The following MSRA variants were observed in gnomAD, a reference collection of about 807,000 sequenced individuals.
MSRA encodes mitochondrial peptide methionine sulfoxide reductase.
In MSRA, 54 loss-of-function variants were observed where a neutral mutation model predicts 31.3. The ratio of observed to expected loss-of-function variants is 1.73; its 90% CI spans 1.39 to 2.17. MSRA has a LOEUF of 2.17. MSRA is among the 30% of genes most tolerant of loss of function. The pLI is 0.00. For missense variants in MSRA, 507 were observed against 300.9 expected, an observed-to-expected ratio of 1.69 and a Z score of -5.07; for synonymous variants, 169 against 116.5, an observed-to-expected ratio of 1.45 and a Z score of -2.90.
intron 1 of MSRA, among the ~76,000 whole-genome samples, chr8:10,064,281 C>T (rs1035812491): frequency 6.6e-6 from 1 of 152,160 alleles, no homozygotes; most frequent in South Asian, 2.1e-4. Flanking sequence ...CACCAGAGAC[C>T]TGCGTGTCCT....
chr8:10,077,377 G>T (rs1798043290), intron 1 of MSRA, among the ~76,000 whole-genome samples: 1 of 151,752 alleles, frequency 6.6e-6, no homozygotes, highest in East Asian at 1.9e-4. Flanking sequence ...TCAAAAATGT[G>T]TGTATTCTAA....
chr8:10,274,672 T>A (rs1799224915), intron 3 of MSRA, among the ~76,000 whole-genome samples: 1 of 152,166 alleles, frequency 6.6e-6, no homozygotes, highest in East Asian at 1.9e-4. Context: ...TATCCATCTC[T>A]CTACCCATCC....
intron 1 of MSRA, among the ~76,000 whole-genome samples, chr8:10,147,810 G>A (rs1803283896): frequency 6.6e-6 from 1 of 152,222 alleles, no homozygotes; most frequent in Admixed American, 6.5e-5. Flanking sequence ...CTCGGAGACA[G>A]GTCACCGTTT....
In MSRA at chr8:10,214,610, T is replaced by TC. The variant is rs1442757006; in HGVS notation, c.211+6710dup. ...CTGTGAACTCTGGAGGGGCAGCCAC[T>TC]CATTCCAGGAAAAAGGCCAGAAAGA... On this transcript the variant is annotated intron_variant, in intron 2 of 5. Transcript: ENST00000317173. 2.6e-5 allele frequency among the ~76,000 whole-genome samples: 4 copies of TC among 152,140 alleles called. No individual in the cohort carries two copies. In the East Asian group the frequency reaches 7.7e-4, roughly 29 times the overall value.
chr8:10,148,957 ATTT>A (rs34442171), intron 1 of MSRA, among the ~76,000 whole-genome samples: 56 of 136,382 alleles, frequency 4.1e-4, no homozygotes, highest in East Asian at 6.4e-4. Flanking sequence ...TCGCTGGTAA[ATTT>A]TTTTTTTTTT....
At chr8:10,306,641 A>G (rs1231658503) in intron 4 of MSRA, among the ~76,000 whole-genome samples, 1 of 152,190 alleles carries the variant, frequency 6.6e-6, no homozygotes, top group African/African-American at 2.4e-5. Context: ...CTCACAGAGT[A>G]ATCTAAAGAA....
Position 10,073,307 on chromosome 8 carries a change from C to A in MSRA, c.142+18649C>A, listed in dbSNP as rs376928876. On this transcript the variant is annotated intron_variant, in intron 1 of 5. Transcript: ENST00000317173. ...GTAGTTCCTCTTTATTCCTAACTTCCTCAGTGTTTTTATCAGGAAAAGGGT... is the reference window on the plus strand; with the variant it reads ...GTAGTTCCTCTTTATTCCTAACTTCATCAGTGTTTTTATCAGGAAAAGGGT... 1.5e-3 allele frequency among the ~76,000 whole-genome samples: 230 copies of A among 152,204 alleles called. 1 individual carries two copies. The highest frequency in any genetic ancestry group is 2.7e-3 in the Non-Finnish European group (181 of 68,006).
chr8:10,063,466 G>T (rs553731451), intron 1 of MSRA, among the ~76,000 whole-genome samples: 26 of 152,224 alleles, frequency 1.7e-4, no homozygotes, highest in African/African-American at 6.3e-4. Context: ...CTTCCACCCC[G>T]AGGCTGGCTC....
chr8:10,117,959 C>CA (rs1278237686), intron 1 of MSRA, among the ~76,000 whole-genome samples: 1 of 152,086 alleles, frequency 6.6e-6, no homozygotes, highest in Non-Finnish European at 1.5e-5. Context: ...AGAACATAAA[C>CA]AAAAACATAA....
intron 1 of MSRA, among the ~76,000 whole-genome samples, chr8:10,124,509 A>T (rs1047100858): frequency 6.6e-6 from 1 of 152,176 alleles, no homozygotes; most frequent in African/African-American, 2.4e-5. Flanking sequence ...AAAATTCTAA[A>T]AGTGACTGGT....
intron 5 of MSRA, among the ~76,000 whole-genome samples, chr8:10,396,522 G>C (rs1046014275): frequency 1.3e-4 from 20 of 152,216 alleles, no homozygotes; most frequent in African/African-American, 4.1e-4. Flanking sequence ...GTGATCCTGT[G>C]AAAGTGTGTC....
At chr8:10,335,031 A>G (rs1192017804) in intron 5 of MSRA, among the ~76,000 whole-genome samples, 3 of 152,170 alleles carry the variant, frequency 2.0e-5, no homozygotes, top group Admixed American at 6.5e-5. Context: ...GCCCTGCGCC[A>G]TGGCCCCGTG....
At chr8:10,176,340 C>T (rs1015702112) in intron 1 of MSRA, among the ~76,000 whole-genome samples, 8 of 152,186 alleles carry the variant, frequency 5.3e-5, no homozygotes, top group Non-Finnish European at 1.0e-4. Context: ...TCTGGGCAGT[C>T]CGTGCAGGCA....
chr8:10,272,988 T>C (rs1027981439), intron 3 of MSRA, among the ~76,000 whole-genome samples: 3 of 152,224 alleles, frequency 2.0e-5, no homozygotes, highest in Admixed American at 6.5e-5. Flanking sequence ...GGGTGGCTTT[T>C]AAGACTGGTA....
intron 1 of MSRA, among the ~76,000 whole-genome samples, chr8:10,121,840 T>C (rs1585196446): frequency 2.2e-5 from 1 of 46,394 alleles, no homozygotes; most frequent in East Asian, 9.0e-4. Flanking sequence ...GCAACTAATT[T>C]TTAATTTTTT....
chr8:10,250,211 G>A (rs1797844850), intron 3 of MSRA, among the ~76,000 whole-genome samples: 1 of 152,104 alleles, frequency 6.6e-6, no homozygotes, highest in Non-Finnish European at 1.5e-5. Flanking sequence ...AAGTAATTGA[G>A]CTATTCAGAT....
chr8:10,116,228 A>G lies in MSRA; in HGVS notation c.142+61570A>G, dbSNP rs558524783. On this transcript the variant is annotated intron_variant, in intron 1 of 5. Transcript: ENST00000317173. ...GATGCCGTTGAGTGCATCCTAACCC[A>G]TATTCATAAACTTTTTTAAAACATT... is the stretch of plus-strand genomic sequence containing the variant. Among the ~76,000 whole-genome samples the G allele has an allele frequency of 3.3e-5, 5 of 152,328 alleles. No individual in the cohort carries two copies. The South Asian group carries it at 6.2e-4, about 19-fold the overall frequency.
At chr8:10,383,131 A>G (rs1390424955) in intron 5 of MSRA, among the ~76,000 whole-genome samples, 1 of 152,232 alleles carries the variant, frequency 6.6e-6, no homozygotes, top group African/African-American at 2.4e-5. Context: ...TTGATGGCAG[A>G]GTCAGGACTG....
intron 2 of MSRA, among the ~76,000 whole-genome samples, chr8:10,208,708 G>A (rs1425724454): frequency 6.6e-6 from 1 of 152,052 alleles, no homozygotes; most frequent in East Asian, 1.9e-4. Context: ...AATTTCAACT[G>A]GGCATTCAGC....
Sources: gnomAD v4.1 joint callset for allele counts (sites outside exome capture counted in the v4.1 genomes callset) on GRCh38, gnomAD v4.1.1 for gene constraint, MANE v1.5 for transcripts, NCBI Gene and HGNC (gene_info 2026-07-23, HGNC 2026-07-21) for gene names.